The following RPL7A variants were observed in gnomAD, a reference collection of about 807,000 sequenced individuals.
RPL7A encodes the protein large ribosomal subunit protein eL8.
For missense variants in RPL7A, 291 were observed against 338.2 expected (o/e 0.86, Z 1.09); for synonymous variants, 158 against 128.2 (o/e 1.23, Z -1.57).
intron 1 of RPL7A, 87 bp from the exon 2 acceptor site, chr9:133,348,835 C>T (rs2129981323): frequency 2.8e-5 from 45 of 1,605,534 alleles, no homozygotes; most frequent in Non-Finnish European, 3.7e-5. Context: ...CTGTCAGCGT[C>T]CCTTGTTTTG....
intron 2 of RPL7A, 169 bp from the exon 3 acceptor site, chr9:133,349,382 C>T (rs1386819084): frequency 3.1e-6 from 3 of 954,288 alleles, no homozygotes; most frequent in African/African-American, 1.6e-5. Flanking sequence ...GCTCTTTGTT[C>T]TCAGGTGTTT....
chr9:133,351,221 A>T, intron 7 of RPL7A, 41 bp from the exon 8 acceptor site: 2 of 1,595,648 alleles, frequency 1.3e-6, no homozygotes, highest in Non-Finnish European at 1.7e-6. Context: ...AAATCTCAGA[A>T]AACAGTAAGC....
intron 4 of RPL7A, 59 bp downstream of exon 4, chr9:133,350,111 T>C: frequency 6.2e-7 from 1 of 1,613,826 alleles, no homozygotes. Flanking sequence ...TGATGTAAAA[T>C]TTCTTGGCCT....
chr9:133,350,518 C>A, intron 5 of RPL7A, 79 bp from the exon 6 acceptor site: 1 of 1,607,360 alleles, frequency 6.2e-7, no homozygotes, highest in Non-Finnish European at 8.5e-7. Flanking sequence ...AGCTTTTTAA[C>A]CCTGAGCAAT....
At chr9:133,350,507 G>T in intron 5 of RPL7A, 90 bp from the exon 6 acceptor site, 1 of 1,601,000 alleles carries the variant, frequency 6.2e-7, no homozygotes, top group Non-Finnish European at 8.6e-7. Flanking sequence ...GCGAATCCAT[G>T]AGCTTTTTAA....
At chr9:133,349,221 C>T (rs2129984252) in intron 2 of RPL7A, among the ~76,000 whole-genome samples, 179 bp downstream of exon 2, 20 of 152,106 alleles carry the variant, frequency 1.3e-4, no homozygotes, top group Non-Finnish European at 1.8e-4. Flanking sequence ...AGTTGCTGAG[C>T]GAGCATTCAG....
At chr9:133,348,378 G>C in intron 1 of RPL7A, 132 bp downstream of exon 1, 1 of 1,284,852 alleles carries the variant, frequency 7.8e-7, no homozygotes, top group Non-Finnish European at 1.1e-6. Flanking sequence ...GTGTGGCACG[G>C]AGACACCGAG....
chr9:133,349,690 C>G lies in RPL7A; in HGVS notation c.264C>G (p.Asp88Glu). ...PAINQFTQAL[D>E]RQTATQLLKL... ...TTAACCAGTTCACCCAGGCCCTGGA[C>G]CGCCAAACAGGTGAGGTTCTGTGGC... The change falls in exon 3 of 8, where the codon GAC (aspartate) becomes GAG (glutamate). Residue 88 changes from aspartate (D) to glutamate (E), a missense_variant. Physicochemically the swap from Asp to Glu is conservative, Grantham distance 45 (BLOSUM62 2). Coordinates refer to ENST00000323345, the MANE Select transcript of RPL7A (RefSeq NM_000972.3). The G allele has an allele frequency of 1.2e-6, 2 of 1,613,934 alleles. No individual in the cohort carries two copies. The highest frequency in any genetic ancestry group is 1.7e-6 in the Non-Finnish European group (2 of 1,179,912).
In RPL7A at chr9:133,349,669, C is replaced by G. The variant is rs2129987862; in HGVS notation, c.243C>G (p.Asn81Lys). 3 of 1,614,056 alleles carry G rather than the reference C, an allele frequency of 1.9e-6. No individual in the cohort carries two copies. The highest frequency in any genetic ancestry group is 1.1e-5 in the South Asian group (1 of 91,078). Residue 81 changes from asparagine (N) to lysine (K), a missense_variant, in exon 3 of 8, where the codon AAC (asparagine) becomes AAG (lysine). Transcript: ENST00000323345. ...YKRLKVPPAINQFTQALDRQT... is the reference protein window; with the variant it reads ...YKRLKVPPAIKQFTQALDRQT... ...GGCTGAAAGTGCCTCCTGCGATTAA[C>G]CAGTTCACCCAGGCCCTGGACCGCC...
At chr9:133,348,279 C>G (rs2129977664) in intron 1 of RPL7A, 33 bp downstream of exon 1, 6 of 1,614,076 alleles carry the variant, frequency 3.7e-6, no homozygotes, top group Admixed American at 3.3e-5. Context: ...GCACTATAGC[C>G]AGGTTCCGGC....
chr9:133,350,580 C>T lies in RPL7A; in HGVS notation c.496-17C>T, dbSNP rs1588686407. The T allele has an allele frequency of 6.2e-7, 1 of 1,614,050 alleles. No individual in the cohort carries two copies. Among genetic ancestry groups the T allele is most frequent in the East Asian group, 2.2e-5 (1 of 44,878 alleles). On this transcript the variant is annotated splice_polypyrimidine_tract_variant and intron_variant, in intron 5 of 7. Transcript: ENST00000323345. ...CTTTTGGTCAAAATACAGTCTTCAG[C>T]TAATGCTTTCTTCCAGCTGGTTGTC...
intron 5 of RPL7A, 43 bp downstream of exon 5, chr9:133,350,362 TACCAGGAAGAGAGAG>T: frequency 6.2e-7 from 1 of 1,604,414 alleles, no homozygotes; most frequent in South Asian, 1.1e-5. Flanking sequence ...CTTCTGGCAG[TACCAGGAAGAGAGAG>T]TAGACCTAAT....
rs2129997681 is a variant in RPL7A, at chr9:133,351,015, G to A, written c.640G>A (p.Ala214Thr). Residue 214 changes from alanine (A) to threonine (T), a missense_variant, in exon 7 of 8, where the codon GCT becomes ACT. Ala to Thr is a moderately conservative substitution (Grantham distance 58). Coordinates refer to ENST00000323345, the MANE Select transcript of RPL7A (RefSeq NM_000972.3). ...FTQVNSEDKG[A>T]LAKLVEAIRT... ...CCTGCCTTTTAGGGAAGACAAAGGCGCTTTGGCTAAGCTGGTGGAAGCTAT... is the reference window on the plus strand; with the variant it reads ...CCTGCCTTTTAGGGAAGACAAAGGCACTTTGGCTAAGCTGGTGGAAGCTAT... The A allele has an allele frequency of 1.9e-5, 30 of 1,614,096 alleles. No individual in the cohort carries two copies. Among genetic ancestry groups the A allele is most frequent in the South Asian group, 1.1e-4 (10 of 91,076 alleles).
chr9:133,348,905 G>C lies in RPL7A; in HGVS notation c.4-17G>C. 6.2e-7 allele frequency: 1 copy of C among 1,613,530 alleles called. No homozygotes were observed. Among genetic ancestry groups the C allele is most frequent in the South Asian group, 1.1e-5 (1 of 91,060 alleles). ...GAGTGGAGGCGGCGGTTTAACTGAC[G>C]TTTTCTTTCTGCCCAGCCGAAAGGA... On this transcript the variant is annotated splice_polypyrimidine_tract_variant and intron_variant, in intron 1 of 7. Transcript: ENST00000323345.
At position 133,350,035 on chromosome 9, in the gene RPL7A, C is replaced by A. The variant is rs2129990831; in HGVS notation, c.398C>A (p.Pro133Gln). 15 of 1,613,604 alleles carry A rather than the reference C, an allele frequency of 9.3e-6. No individual in the cohort carries two copies. Among genetic ancestry groups the A allele is most frequent in the African/African-American group, 2.7e-5 (2 of 74,906 alleles). ...AGKGDVPTKR[P>Q]PVLRAGVNTV... is the part of the protein sequence containing the mutation. The stretch of plus-strand genomic sequence containing the variant: ...AAAGGGGACGTCCCAACGAAGAGAC[C>A]ACCTGTCCTTCGAGCAGGTGAGTAG... Residue 133 changes from proline to glutamine, a missense_variant, in exon 4 of 8, where the codon CCA (proline) becomes CAA (glutamine). By Grantham distance (76) the Pro-to-Gln change is moderately conservative (BLOSUM62 -1). Coordinates refer to ENST00000323345, the MANE Select transcript of RPL7A (RefSeq NM_000972.3).
rs2129987082 is a variant in RPL7A at position 133,349,538 on chromosome 9, C to A, written c.125-13C>A. 6.2e-7 allele frequency: 1 copy of A among 1,614,078 alleles called. No homozygotes were observed. Among genetic ancestry groups the A allele is most frequent in the South Asian group, 1.1e-5 (1 of 91,068 alleles). The stretch of plus-strand genomic sequence containing the variant: ...AATTTGAGCCTCACTCGGTGTCACC[C>A]TTTACTTCTCAGGACAGGACATCCA... On this transcript the variant is annotated splice_polypyrimidine_tract_variant and intron_variant, in intron 2 of 7. Coordinates refer to ENST00000323345, the MANE Select transcript of RPL7A (RefSeq NM_000972.3).
chr9:133,350,798 G>A lies in RPL7A; in HGVS notation c.626+71G>A, dbSNP rs2129996158. ...CCATGCCTCACAGTTGTTTCCTTTT[G>A]CCTTAAAGGCCAATCTTTTAGTTTA... On this transcript the variant is annotated intron_variant, in intron 6 of 7. Coordinates refer to ENST00000323345, the MANE Select transcript of RPL7A (RefSeq NM_000972.3). The A allele has an allele frequency of 2.1e-5, 33 of 1,596,238 alleles. No homozygotes were observed. The South Asian group carries it at 3.0e-4, about 14-fold the overall frequency.
At chr9:133,349,369 C>T (rs2129985220) in intron 2 of RPL7A, 182 bp from the exon 3 acceptor site, 28 of 912,112 alleles carry the variant, frequency 3.1e-5, no homozygotes, top group Admixed American at 6.8e-5. Context: ...GGAAAAGCAT[C>T]GTGCTCTTTG....
In RPL7A at chr9:133,348,688, T is replaced by A. The variant is rs184342535; in HGVS notation, c.4-234T>A. The stretch of plus-strand genomic sequence containing the variant: ...GGTGGGCGACGCGAAGAGAGCGTGG[T>A]CTCGGGCTTAGCCTTGCTCTGGCCA... On this transcript the variant is annotated intron_variant, in intron 1 of 7. Transcript: ENST00000323345. The A allele has an allele frequency of 5.6e-6, 4 of 717,436 alleles. No individual in the cohort carries two copies. In the African/African-American group the frequency reaches 7.0e-5, roughly 13 times the overall value. 44.4% of individuals were successfully genotyped at this position (717,436 alleles called of 1,614,324 possible).
Sources: gnomAD v4.1 joint callset for allele counts (sites outside exome capture counted in the v4.1 genomes callset) on GRCh38, gnomAD v4.1.1 for gene constraint, MANE v1.5 for transcripts, NCBI Gene and HGNC (gene_info 2026-07-23, HGNC 2026-07-21) for gene names.